The following ADGRB3 variants were observed in gnomAD, a reference collection of about 807,000 sequenced individuals.
ADGRB3 encodes the protein brain-specific angiogenesis inhibitor 3.
A neutral mutation model predicts 193.4 loss-of-function variants in ADGRB3; 37 were observed. The observed-to-expected ratio is 0.19, with a 90% CI of 0.15 to 0.25. ADGRB3 has a LOEUF of 0.25. Ranked by LOEUF, ADGRB3 falls within the 10% of genes least tolerant of loss-of-function variation. ADGRB3 has a pLI of 1.00. For synonymous variants in ADGRB3, 690 were observed against 644.2 expected (o/e 1.07, Z -1.08); for missense variants, 1,637 against 1,852.9 (o/e 0.88, Z 2.14).
chr6:68,793,592 G>A (rs761140279), intron 3 of ADGRB3, among the ~76,000 whole-genome samples: 3 of 152,050 alleles, frequency 2.0e-5, no homozygotes, highest in Non-Finnish European at 2.9e-5. Context: ...GCAGTGGCAC[G>A]ATCTCAGCTC....
At chr6:68,661,533 G>GTATATA (rs1561986486) in intron 3 of ADGRB3, among the ~76,000 whole-genome samples, 1 of 50,050 alleles carries the variant, frequency 2.0e-5, no homozygotes, top group Non-Finnish European at 3.6e-5. Flanking sequence ...ATATATATGT[G>GTATATA]TATACATATA....
At chr6:68,641,812 A>C (rs1768088666) in intron 3 of ADGRB3, among the ~76,000 whole-genome samples, 1 of 152,100 alleles carries the variant, frequency 6.6e-6, no homozygotes, top group African/African-American at 2.4e-5. Flanking sequence ...CCTTTGATTT[A>C]ATCAAATTTA....
At chr6:68,903,135 A>G (rs1766444126) in intron 3 of ADGRB3, among the ~76,000 whole-genome samples, 1 of 152,184 alleles carries the variant, frequency 6.6e-6, no homozygotes, top group Non-Finnish European at 1.5e-5. Context: ...ATGCTGATCA[A>G]ACAATAAAAC....
At chr6:69,173,314 A>G (rs1397037553) in intron 17 of ADGRB3, among the ~76,000 whole-genome samples, 1 of 152,252 alleles carries the variant, frequency 6.6e-6, no homozygotes, top group Non-Finnish European at 1.5e-5. Flanking sequence ...CTGGTATTAC[A>G]GGCGTGAGCC....
chr6:69,032,143 T>C (rs1168112814), intron 13 of ADGRB3, among the ~76,000 whole-genome samples: 1 of 152,156 alleles, frequency 6.6e-6, no homozygotes, highest in East Asian at 1.9e-4. Context: ...GGCAAGTGGC[T>C]TTCTATTTCC....
chr6:68,664,185 A>G (rs1033933784), intron 3 of ADGRB3, among the ~76,000 whole-genome samples: 1 of 151,854 alleles, frequency 6.6e-6, no homozygotes, highest in Non-Finnish European at 1.5e-5. Flanking sequence ...TTTTTATGGT[A>G]ACATCATTAC....
At chr6:68,786,966 G>A (rs1433185046) in intron 3 of ADGRB3, among the ~76,000 whole-genome samples, 2 of 152,062 alleles carry the variant, frequency 1.3e-5, no homozygotes, top group Non-Finnish European at 2.9e-5. Flanking sequence ...GTCTGTTATT[G>A]ATGTATAAGA....
intron 20 of ADGRB3, among the ~76,000 whole-genome samples, chr6:69,299,838 T>C (rs544744282): frequency 6.6e-6 from 1 of 152,066 alleles, no homozygotes; most frequent in African/African-American, 2.4e-5. Context: ...TTTCTTCTTT[T>C]TGTTCAGATT....
chr6:69,283,068 G>T (rs1233917902), intron 20 of ADGRB3, among the ~76,000 whole-genome samples: 2 of 152,192 alleles, frequency 1.3e-5, no homozygotes, highest in Non-Finnish European at 2.9e-5. Flanking sequence ...TTTACAGAAT[G>T]ATTGTGAGCA....
intron 17 of ADGRB3, among the ~76,000 whole-genome samples, chr6:69,090,742 A>G (rs951139596): frequency 3.9e-5 from 6 of 152,228 alleles, no homozygotes; most frequent in Non-Finnish European, 7.3e-5. Context: ...TTAATTAACA[A>G]CTTACCTATT....
At chr6:69,232,734 G>A in intron 17 of ADGRB3, 1 of 990,748 alleles carries the variant, frequency 1.0e-6, no homozygotes, top group Non-Finnish European at 1.5e-6. Flanking sequence ...AATTTTCACA[G>A]CAGCTATTCT....
rs542686829 is a variant in ADGRB3 at position 69,169,247 on chromosome 6, A to G, written c.2481-64043A>G. 1.5e-3 allele frequency among the ~76,000 whole-genome samples: 235 copies of G among 152,208 alleles called. 3 individuals are homozygous for G. The highest frequency in any genetic ancestry group is 5.2e-3 in the African/African-American group (218 of 41,568). ...TGATTATGCAATTTTACAACTGACT[A>G]CTGAAAATGTTGTTTATTTTGAAAT... is the stretch of plus-strand genomic sequence containing the variant. On this transcript the variant is annotated intron_variant, in intron 17 of 31. Transcript: ENST00000370598.
intron 3 of ADGRB3, among the ~76,000 whole-genome samples, chr6:68,884,321 C>A (rs1485522168): frequency 6.6e-6 from 1 of 152,050 alleles, no homozygotes; most frequent in Non-Finnish European, 1.5e-5. Context: ...ACAAACATTA[C>A]ATAATTACAC....
intron 3 of ADGRB3, among the ~76,000 whole-genome samples, chr6:68,769,810 A>G (rs1562022117): frequency 6.6e-6 from 1 of 152,170 alleles, no homozygotes; most frequent in Non-Finnish European, 1.5e-5. Flanking sequence ...TATTTTTATT[A>G]ACTTTTTTCA....
At position 68,844,661 on chromosome 6, in the gene ADGRB3, C is replaced by T. The variant is rs190086135; in HGVS notation, c.758-85898C>T. Among the ~76,000 whole-genome samples the T allele has an allele frequency of 3.7e-3, 565 of 152,270 alleles. 4 individuals carry two copies. The highest frequency in any genetic ancestry group is 0.024 in the Middle Eastern group (7 of 294). On this transcript the variant is annotated intron_variant, in intron 3 of 31. Coordinates refer to ENST00000370598, the MANE Select transcript of ADGRB3 (RefSeq NM_001704.3). ...AATCAGGATATGGAGGAGATATTTG[C>T]ACTCTTATGTTTATTGCATTACTCT... is the stretch of plus-strand genomic sequence containing the variant.
chr6:68,654,844 T>A (rs1440817360), intron 3 of ADGRB3, among the ~76,000 whole-genome samples: 1 of 151,842 alleles, frequency 6.6e-6, no homozygotes, highest in African/African-American at 2.4e-5. Context: ...GTTTGAAAAT[T>A]CACATGAAGT....
chr6:69,330,440 A>C, intron 22 of ADGRB3, 66 bp from the exon 23 acceptor site: 2 of 1,240,268 alleles, frequency 1.6e-6, no homozygotes, highest in African/African-American at 1.5e-5. Flanking sequence ...AGTTGTTTGT[A>C]TCACACGTTA....
Position 69,364,738 on chromosome 6 carries a change from GC to G in ADGRB3, c.4239+3227del, listed in dbSNP as rs201451846. Among the ~76,000 whole-genome samples the G allele has an allele frequency of 9.5e-3, 1,451 of 152,134 alleles. 23 individuals carry two copies. Among genetic ancestry groups the G allele is most frequent in the African/African-American group, 0.033 (1,387 of 41,536 alleles). ...GCCCTAAATATCCTGTAACTGCTTT[GC>G]TTAAGGTTAAGAAGAATGATATTGT... On this transcript the variant is annotated intron_variant, in intron 29 of 31. Coordinates refer to ENST00000370598, the MANE Select transcript of ADGRB3 (RefSeq NM_001704.3).
chr6:69,014,130 C>A, intron 12 of ADGRB3, 24 bp downstream of exon 12: 3 of 1,534,080 alleles, frequency 2.0e-6, no homozygotes, highest in South Asian at 1.2e-5. Flanking sequence ...TATTTCAGAA[C>A]TTGAAGTTGG....
Sources: allele counts gnomAD v4.1 joint callset (sites outside exome capture counted in the v4.1 genomes callset), GRCh38; gene constraint gnomAD v4.1.1; transcripts MANE v1.5; gene names NCBI Gene and HGNC (gene_info 2026-07-23, HGNC 2026-07-21).